The following BAIAP2 variants were observed in gnomAD, a reference collection of about 807,000 sequenced individuals.
BAIAP2 encodes BAR/IMD domain-containing adapter protein 2.
In BAIAP2, 18 loss-of-function variants were observed where a neutral mutation model predicts 63.0. That is an observed-to-expected ratio of 0.29 (90% CI 0.20 to 0.42). The LOEUF is 0.42. Ranked by LOEUF, BAIAP2 falls within the 10% of genes least tolerant of loss-of-function variation. BAIAP2 has a pLI of 1.00. For missense variants in BAIAP2, 610 were observed against 734.3 expected, an observed-to-expected ratio of 0.83 and a Z score of 1.96; for synonymous variants, 386 against 307.6, an observed-to-expected ratio of 1.25 and a Z score of -2.67.
rs2146260869 is a variant in BAIAP2, at chr17:81,116,840, C to T, written c.*1001C>T. On this transcript the variant is annotated 3_prime_UTR_variant, in exon 14 of 14. Coordinates refer to ENST00000428708, the MANE Select transcript of BAIAP2 (RefSeq NM_001144888.2). ...TGTCTCCAGCAGAGCTCACTCCCGC[C>T]TACAGCCACTCACACCCCGGGGACA... is the stretch of plus-strand genomic sequence containing the variant. 6.4e-6 allele frequency: 1 copy of T among 156,046 alleles called. No homozygotes were observed. The highest frequency in any genetic ancestry group is 2.0e-4 in the South Asian group (1 of 5,090). The allele number at this position is 156,046 out of a possible 1,614,324, so 9.7% of individuals were successfully genotyped here. A position where few individuals can be genotyped will look rare whatever the true frequency, so the allele number is the denominator to read the frequency against.
At chr17:81,109,192 C>A (rs532395607) in intron 13 of BAIAP2, 12 of 1,407,246 alleles carry the variant, frequency 8.5e-6, no homozygotes, top group Admixed American at 3.3e-5. Flanking sequence ...TCCGCCCCCC[C>A]TCCCCTGTGT....
intron 1 of BAIAP2, among the ~76,000 whole-genome samples, chr17:81,049,816 C>G (rs999666948): frequency 2.0e-5 from 3 of 152,344 alleles, no homozygotes; most frequent in Admixed American, 6.5e-5. Context: ...AGGACCTTGG[C>G]CTGATTAGGG....
intron 10 of BAIAP2, chr17:81,105,625 G>A (rs2059092206): frequency 6.0e-6 from 1 of 165,462 alleles, no homozygotes; most frequent in Non-Finnish European, 1.3e-5. Flanking sequence ...TTGGCAAGAT[G>A]GGAAAAGGCC....
intron 6 of BAIAP2, among the ~76,000 whole-genome samples, chr17:81,092,312 C>G (rs945768190): frequency 2.0e-5 from 3 of 152,180 alleles, no homozygotes; most frequent in African/African-American, 7.2e-5. Context: ...GCCCCCGATG[C>G]GCACTGCCCG....
In BAIAP2 at chr17:81,045,213, C is replaced by T. The variant is rs186561422; in HGVS notation, c.55-8455C>T. Among the ~76,000 whole-genome samples the T allele has an allele frequency of 1.2e-3, 188 of 152,228 alleles. 1 individual carries two copies. The highest frequency in any genetic ancestry group is 4.2e-3 in the African/African-American group (176 of 41,548). ...ACTTGGGGCCCCTGAGAGTTGAGGA[C>T]GCCAGGGGAAAGCTCGCAGAGGGCG... On this transcript the variant is annotated intron_variant, in intron 1 of 13. Coordinates refer to ENST00000428708, the MANE Select transcript of BAIAP2 (RefSeq NM_001144888.2).
At chr17:81,047,487 A>G (rs546509150) in intron 1 of BAIAP2, among the ~76,000 whole-genome samples, 88 of 152,374 alleles carry the variant, frequency 5.8e-4, no homozygotes, top group African/African-American at 2.0e-3. Context: ...CATGTAGCAC[A>G]CACACAGGTC....
At chr17:81,047,304 T>A (rs1299027610) in intron 1 of BAIAP2, among the ~76,000 whole-genome samples, 1 of 152,022 alleles carries the variant, frequency 6.6e-6, no homozygotes, top group East Asian at 1.9e-4. Context: ...TTCCTGAGCC[T>A]CACTTTCATC....
chr17:81,088,430 G>T (rs1333115964), intron 6 of BAIAP2, among the ~76,000 whole-genome samples: 2 of 152,234 alleles, frequency 1.3e-5, no homozygotes, highest in Non-Finnish European at 2.9e-5. Context: ...CATTTCACGG[G>T]CACAGTCCAG....
intron 3 of BAIAP2, among the ~76,000 whole-genome samples, chr17:81,075,936 ATTTT>A (rs56219227): frequency 6.9e-6 from 1 of 145,394 alleles, no homozygotes. Flanking sequence ...TCTGCTGGGA[ATTTT>A]TTTTTTTTTT....
chr17:81,042,130 CTTTTCTTTTTTCTT>C (rs1389024351), intron 1 of BAIAP2, among the ~76,000 whole-genome samples: 1 of 131,958 alleles, frequency 7.6e-6, no homozygotes, highest in Non-Finnish European at 1.6e-5. Context: ...TTTTTTTTTT[CTTTTCTTTTTTCTT>C]TTTTTTTTTT....
intron 13 of BAIAP2, among the ~76,000 whole-genome samples, chr17:81,114,200 A>G (rs1026147869): frequency 1.4e-5 from 2 of 141,644 alleles, no homozygotes; most frequent in African/African-American, 5.4e-5. Flanking sequence ...CTTGAACTCC[A>G]GGGCTCAAGT....
At position 81,116,256 on chromosome 17, in the gene BAIAP2, A is replaced by G; in HGVS notation, c.*417A>G. ...TGTGATCTGTCCGCCCAAGGGCCAG[A>G]AGGCCGGGAGCACGGGGATGGGAGC... On this transcript the variant is annotated 3_prime_UTR_variant, in exon 14 of 14. Transcript: ENST00000428708. 1 of 1,612,810 alleles carries G rather than the reference A, an allele frequency of 6.2e-7. No homozygotes were observed. Among genetic ancestry groups the G allele is most frequent in the South Asian group, 1.1e-5 (1 of 91,090 alleles).
intron 13 of BAIAP2, among the ~76,000 whole-genome samples, chr17:81,115,261 C>T (rs1211809577): frequency 6.6e-6 from 1 of 152,238 alleles, no homozygotes; most frequent in Non-Finnish European, 1.5e-5. Context: ...TGTCCATCTG[C>T]AGCCCTGCGG....
Position 81,115,782 on chromosome 17 carries a change from C to T in BAIAP2, c.1548C>T (p.Ala516=). The T allele has an allele frequency of 6.2e-7, 1 of 1,613,526 alleles. No homozygotes were observed. Among genetic ancestry groups the T allele is most frequent in the Non-Finnish European group, 8.5e-7 (1 of 1,180,016 alleles). ...GARSMSRNPF[A]HVQLKPTVTN... Reference sequence around the variant, plus strand: ...TTTTCTCTTTCAGGAATCCCTTTGCCCACGTCCAGCTGAAGCCGACAGTGA... The same window carrying T: ...TTTTCTCTTTCAGGAATCCCTTTGCTCACGTCCAGCTGAAGCCGACAGTGA... Residue 516 remains alanine (A), a synonymous_variant, in exon 14 of 14, where the codon GCC becomes GCT. Coordinates refer to ENST00000428708, the MANE Select transcript of BAIAP2 (RefSeq NM_001144888.2).
chr17:81,101,909 C>G (rs1050475037), intron 7 of BAIAP2, among the ~76,000 whole-genome samples: 1 of 152,260 alleles, frequency 6.6e-6, no homozygotes, highest in Non-Finnish European at 1.5e-5. Flanking sequence ...CCTGCTAGAC[C>G]CAGGACAGTG....
At chr17:81,074,119 T>C (rs1209300131) in intron 3 of BAIAP2, among the ~76,000 whole-genome samples, 1 of 152,190 alleles carries the variant, frequency 6.6e-6, no homozygotes, top group African/African-American at 2.4e-5. Context: ...GAGAGGAGGA[T>C]GCGTCTGTGG....
intron 13 of BAIAP2, among the ~76,000 whole-genome samples, chr17:81,115,334 G>A (rs969244185): frequency 6.6e-6 from 1 of 152,204 alleles, no homozygotes; most frequent in Non-Finnish European, 1.5e-5. Flanking sequence ...TGGACGCTCT[G>A]CCACGCTGTG....
rs148048870 is a variant in BAIAP2 at position 81,053,518 on chromosome 17, A to G, written c.55-150A>G. The G allele has an allele frequency of 8.6e-3, 6,706 of 778,684 alleles. 46 individuals carry two copies. The highest frequency in any genetic ancestry group is 0.012 in the South Asian group (737 of 61,878). The allele number at this position is 778,684 out of a possible 1,614,324, so 48.2% of individuals were successfully genotyped here. A position where few individuals can be genotyped will look rare whatever the true frequency, so the allele number is the denominator to read the frequency against. On this transcript the variant is annotated intron_variant, in intron 1 of 13. Transcript: ENST00000428708. ...GACATTGATCAGGGGCATGGCTGGG[A>G]TTTGAACTTGGGAAGCCCACCTTGA...
At chr17:81,044,153 C>A (rs979237092) in intron 1 of BAIAP2, among the ~76,000 whole-genome samples, 1 of 152,174 alleles carries the variant, frequency 6.6e-6, no homozygotes, top group Non-Finnish European at 1.5e-5. Flanking sequence ...GAGGTGGGGC[C>A]GTACAGGCAT....
Sources: gnomAD v4.1 joint callset for allele counts (sites outside exome capture counted in the v4.1 genomes callset) on GRCh38, gnomAD v4.1.1 for gene constraint, MANE v1.5 for transcripts, NCBI Gene and HGNC (gene_info 2026-07-23, HGNC 2026-07-21) for gene names.